The following CLHC1 variants were observed in gnomAD, a reference collection of about 807,000 sequenced individuals.
CLHC1 encodes the protein clathrin heavy chain linker domain containing 1.
CLHC1 carries 72 observed loss-of-function variants against 69.5 expected under a neutral mutation model. The ratio of observed to expected loss-of-function variants is 1.04; its 90% CI spans 0.86 to 1.26. CLHC1 has a LOEUF of 1.26. Ranked by LOEUF, CLHC1 falls within the 50% of genes most tolerant of loss-of-function variation. CLHC1 has a pLI of 0.00. For missense variants in CLHC1, 790 were observed against 679.3 expected (o/e 1.16, Z -1.81); for synonymous variants, 223 against 224.3 (o/e 0.99, Z 0.05).
chr2:55,177,416 A>C (rs1669492873), intron 12 of CLHC1, among the ~76,000 whole-genome samples, 186 bp downstream of exon 12: 1 of 152,216 alleles, frequency 6.6e-6, no homozygotes, highest in African/African-American at 2.4e-5. Flanking sequence ...AATTCTCTCA[A>C]GAAATATATC....
rs191220656 is a variant in CLHC1 at position 55,211,561 on chromosome 2, T to C, written c.499+1112A>G. ...GTCCCTACTTTTATGAAACACAAGA[T>C]GATTATTCAACCTCATTTGAAATCC... is the stretch of plus-strand genomic sequence containing the variant. On this transcript the variant is annotated intron_variant, in intron 5 of 12. Coordinates refer to ENST00000401408, the MANE Select transcript of CLHC1 (RefSeq NM_152385.4). Among the ~76,000 whole-genome samples, 721 of 150,434 alleles carry C rather than the reference T, an allele frequency of 4.8e-3. 4 individuals are homozygous for C. The highest frequency in any genetic ancestry group is 7.1e-3 in the Non-Finnish European group (482 of 67,596).
chr2:55,217,584 T>TATATATATATAC lies in CLHC1; in HGVS notation c.365+226_365+227insGTATATATATAT, dbSNP rs1327305309. On this transcript the variant is annotated intron_variant, in intron 4 of 12. Transcript: ENST00000401408. Reference sequence around the variant, plus strand: ...ATATATATATATATATATATATATATACTAAGAGGTACTATAAACGTTCTC... The same window carrying TATATATATATAC: ...ATATATATATATATATATATATATATATATATATATACACTAAGAGGTACTATAAACGTTCTC... Among the ~76,000 whole-genome samples, 7 of 96,294 alleles carry TATATATATATAC rather than the reference T, an allele frequency of 7.3e-5. No individual in the cohort carries two copies. The East Asian group carries it at 2.0e-3, about 27-fold the overall frequency. The allele number at this position is 96,294 out of a possible 152,430, so 63.2% of individuals were successfully genotyped here. A position where few individuals can be genotyped will look rare whatever the true frequency, so the allele number is the denominator to read the frequency against.
At chr2:55,187,149 G>A (rs1352517306) in intron 9 of CLHC1, among the ~76,000 whole-genome samples, 1 of 151,812 alleles carries the variant, frequency 6.6e-6, no homozygotes, top group Non-Finnish European at 1.5e-5. Context: ...GCCAGGCATG[G>A]TGGCATGCAC....
chr2:55,209,193 A>G (rs958314373), intron 7 of CLHC1, among the ~76,000 whole-genome samples: 3 of 151,490 alleles, frequency 2.0e-5, no homozygotes, highest in African/African-American at 7.3e-5. Flanking sequence ...TTTGATGTAC[A>G]TTTTCAGGCA....
rs1347518891 is a variant in CLHC1, at chr2:55,209,349, A to G, written c.814+55T>C. The stretch of plus-strand genomic sequence containing the variant: ...TAAGAAAACCCCATTCTAACTAGCT[A>G]GCGAAAAAAATGTCTTCCATTATTG... On this transcript the variant is annotated intron_variant, in intron 7 of 12. Coordinates refer to ENST00000401408, the MANE Select transcript of CLHC1 (RefSeq NM_152385.4). 1.5e-5 allele frequency: 16 copies of G among 1,049,344 alleles called. No individual in the cohort carries two copies. The African/African-American group carries it at 2.3e-4, about 15-fold the overall frequency. The allele number at this position is 1,049,344 out of a possible 1,614,324, so 65.0% of individuals were successfully genotyped here. A position where few individuals can be genotyped will look rare whatever the true frequency, so the allele number is the denominator to read the frequency against.
intron 1 of CLHC1, among the ~76,000 whole-genome samples, chr2:55,230,158 C>G (rs116148251): frequency 6.6e-6 from 1 of 152,152 alleles, no homozygotes; most frequent in Non-Finnish European, 1.5e-5. Context: ...AGTGCTGTTA[C>G]GAAGCTACTG....
Position 55,173,328 on chromosome 2 carries a change from G to A in CLHC1, c.*2462C>T, listed in dbSNP as rs1669116592. Among the ~76,000 whole-genome samples the A allele has an allele frequency of 1.3e-5, 2 of 152,216 alleles. No homozygotes were observed. Among genetic ancestry groups the A allele is most frequent in the Non-Finnish European group, 2.9e-5 (2 of 68,044 alleles). On this transcript the variant is annotated 3_prime_UTR_variant, in exon 13 of 13. Coordinates refer to ENST00000401408, the MANE Select transcript of CLHC1 (RefSeq NM_152385.4). ...TTATTAGTAACTTTTAAAATACGTT[G>A]TGTGTTTCCATTAAGGTTGTAATCT...
chr2:55,209,088 T>C (rs1672733706), intron 7 of CLHC1, among the ~76,000 whole-genome samples: 1 of 152,096 alleles, frequency 6.6e-6, no homozygotes, highest in Non-Finnish European at 1.5e-5. Context: ...TTACCCAGGA[T>C]GGTCTCGATC....
rs1415991824 is a variant in CLHC1 at position 55,208,591 on chromosome 2, T to A, written c.899+35A>T. 14 of 1,331,204 alleles carry A rather than the reference T, an allele frequency of 1.1e-5. No homozygotes were observed. In the East Asian group the frequency reaches 3.0e-4, roughly 28 times the overall value. 82.5% of individuals were successfully genotyped at this position (1,331,204 alleles called of 1,614,324 possible). A position where few individuals can be genotyped will look rare whatever the true frequency, so the allele number is the denominator to read the frequency against. On this transcript the variant is annotated intron_variant, in intron 8 of 12. Transcript: ENST00000401408. ...TTCACAAAGAATCTATGAAAAAATATAATTCTGAAAAATTAAAGCTTTTAA... is the reference window on the plus strand; with the variant it reads ...TTCACAAAGAATCTATGAAAAAATAAAATTCTGAAAAATTAAAGCTTTTAA...
At chr2:55,198,431 A>G (rs1252851980) in intron 9 of CLHC1, among the ~76,000 whole-genome samples, 1 of 152,138 alleles carries the variant, frequency 6.6e-6, no homozygotes, top group African/African-American at 2.4e-5. Flanking sequence ...ACTAAAAAAT[A>G]CAAAAATTAG....
chr2:55,188,271 G>A (rs1670603775), intron 9 of CLHC1, among the ~76,000 whole-genome samples: 1 of 152,036 alleles, frequency 6.6e-6, no homozygotes. Flanking sequence ...AGCCATGTTT[G>A]TACCACTGCA....
At chr2:55,206,668 G>C (rs1174616466) in intron 8 of CLHC1, 1 of 284,352 alleles carries the variant, frequency 3.5e-6, no homozygotes, top group Non-Finnish European at 6.5e-6. Context: ...AGCCATAGAG[G>C]ATGGAAGAAA....
chr2:55,191,680 T>C (rs998975336), intron 9 of CLHC1, among the ~76,000 whole-genome samples: 3 of 152,060 alleles, frequency 2.0e-5, no homozygotes, highest in African/African-American at 7.3e-5. Context: ...AGATACAATC[T>C]ATAAAACCTA....
At chr2:55,189,912 C>A (rs775421211) in intron 9 of CLHC1, among the ~76,000 whole-genome samples, 1 of 152,176 alleles carries the variant, frequency 6.6e-6, no homozygotes, top group African/African-American at 2.4e-5. Flanking sequence ...TGCTTCCAAC[C>A]AAACACTGCT....
chr2:55,205,395 G>A (rs1336924281), intron 9 of CLHC1, among the ~76,000 whole-genome samples: 2 of 128,570 alleles, frequency 1.6e-5, no homozygotes, highest in East Asian at 2.6e-4. Context: ...ATTGGATAAA[G>A]AAAATACACA....
chr2:55,185,087 A>G (rs1418892932), intron 9 of CLHC1, among the ~76,000 whole-genome samples: 1 of 152,168 alleles, frequency 6.6e-6, no homozygotes, highest in Admixed American at 6.5e-5. Context: ...AAATAATGGT[A>G]AAGGGATTTC....
intron 5 of CLHC1, among the ~76,000 whole-genome samples, chr2:55,211,635 G>A (rs1222103399): frequency 6.6e-6 from 1 of 150,844 alleles, no homozygotes; most frequent in Non-Finnish European, 1.5e-5. Context: ...CTTCCACCAA[G>A]ACCAAATCTG....
intron 9 of CLHC1, among the ~76,000 whole-genome samples, chr2:55,198,864 TA>T (rs970157846): frequency 1.3e-5 from 2 of 151,988 alleles, no homozygotes; most frequent in African/African-American, 4.8e-5. Context: ...AGGACATGTT[TA>T]AAATGTTGAA....
At chr2:55,207,770 T>A (rs1262161298) in intron 8 of CLHC1, among the ~76,000 whole-genome samples, 1 of 152,130 alleles carries the variant, frequency 6.6e-6, no homozygotes, top group African/African-American at 2.4e-5. Flanking sequence ...TGATACACAG[T>A]AGGATGTCAA....
Sources: gnomAD v4.1 joint callset for allele counts (sites outside exome capture counted in the v4.1 genomes callset) on GRCh38, gnomAD v4.1.1 for gene constraint, MANE v1.5 for transcripts, NCBI Gene and HGNC (gene_info 2026-07-23, HGNC 2026-07-21) for gene names.